The following TAAR5 variants were observed in gnomAD, a reference collection of about 807,000 sequenced individuals.
The protein encoded by TAAR5 is trace amine-associated receptor 5.
A neutral mutation model predicts 21.1 loss-of-function variants in TAAR5; 27 were observed. That is an observed-to-expected ratio of 1.28 (90% confidence interval 0.94 to 1.76). The LOEUF (loss-of-function observed/expected upper bound fraction) is 1.76, where lower values mean the gene tolerates loss of function less well. Ranked by LOEUF, TAAR5 falls within the 40% of genes most tolerant of loss-of-function variation. TAAR5 has a pLI of 0.00. For synonymous variants in TAAR5, 203 were observed against 167.5 expected, an observed-to-expected ratio of 1.21 and a Z score of -1.64; for missense variants, 495 against 405.6, an observed-to-expected ratio of 1.22 and a Z score of -1.89.
the TAAR5 span, among the ~76,000 whole-genome samples, chr6:132,615,084 C>T: frequency 6.6e-6 from 1 of 152,020 alleles, no homozygotes; most frequent in Non-Finnish European, 1.5e-5. Flanking sequence ...GGACGGTCTC[C>T]ATCTCTTGAC....
At chr6:132,601,225 C>G in the TAAR5 span, among the ~76,000 whole-genome samples, 3 of 152,126 alleles carry the variant, frequency 2.0e-5, no homozygotes, top group Admixed American at 6.5e-5. Flanking sequence ...AAACTGAAAT[C>G]TTGAATTTTT....
At chr6:132,595,275 T>G in the TAAR5 span, 1 of 153,074 alleles carries the variant, frequency 6.5e-6, no homozygotes, top group Non-Finnish European at 1.5e-5. Context: ...TGGAAATCAT[T>G]ACGATCATGT....
chr6:132,596,149 C>T, the TAAR5 span, among the ~76,000 whole-genome samples: 1 of 152,150 alleles, frequency 6.6e-6, no homozygotes, highest in Non-Finnish European at 1.5e-5. Flanking sequence ...TATCTCCTTT[C>T]ATTTAGCAGC....
chr6:132,588,787 G>C lies in TAAR5; in HGVS notation c.900C>G (p.Cys300Trp). 1 of 1,614,126 alleles carries C rather than the reference G, an allele frequency of 6.2e-7. No individual in the cohort carries two copies. The highest frequency in any genetic ancestry group is 8.5e-7 in the Non-Finnish European group (1 of 1,180,008). Residue 300 changes from cysteine (C) to tryptophan (W), a missense_variant, in exon 1 of 1, where the codon TGC becomes TGG. Cys to Trp is a radical substitution (Grantham distance 215). Transcript: ENST00000258034. ...AGGAAAAGACATAGATGATGGGGTTGCAGGCTGAGTTGAAGTAAGCAAACC... is the reference window on the plus strand; with the variant it reads ...AGGAAAAGACATAGATGATGGGGTTCCAGGCTGAGTTGAAGTAAGCAAACC... ...FIWFAYFNSA[C>W]NPIIYVFSYQ...
In TAAR5 at chr6:132,588,682, G is replaced by A. The variant is rs1313180611; in HGVS notation, c.1005C>T (p.Tyr335=). 20 of 1,610,768 alleles carry A rather than the reference G, an allele frequency of 1.2e-5. No individual in the cohort carries two copies. The highest frequency in any genetic ancestry group is 1.7e-5 in the Non-Finnish European group (20 of 1,178,128). Residue 335 remains tyrosine, a synonymous_variant, in exon 1 of 1, where the codon TAC becomes TAT. Transcript: ENST00000258034. ...CATTTAGTAGAAGGAATCATTCTTG[G>A]TACAAATCAACAGTGCGTGTCTGCG... The part of the protein sequence containing the change: ...FSPQTRTVDL[Y]QE
At chr6:132,607,051 CG>C in the TAAR5 span, among the ~76,000 whole-genome samples, 1 of 151,950 alleles carries the variant, frequency 6.6e-6, no homozygotes, top group Non-Finnish European at 1.5e-5. Context: ...AAAAGGTTGC[CG>C]GGTGTGATGG....
the TAAR5 span, among the ~76,000 whole-genome samples, chr6:132,608,067 A>T: frequency 2.0e-5 from 3 of 152,226 alleles, no homozygotes; most frequent in Non-Finnish European, 4.4e-5. Flanking sequence ...TGAGTAATTG[A>T]TTTACTAGTC....
Position 132,589,177 on chromosome 6 carries a change from G to C in TAAR5, c.510C>G (p.Leu170=), listed in dbSNP as rs1237882953. ...GCCTTGTCTCTACCACATCTGTGTA[G>C]AGGAATAACGAAGTGTATGCTGCGG... ...GVPAAYTSLF[L]YTDVVETRLS... Residue 170 remains leucine (L), a synonymous_variant, in exon 1 of 1, where the codon CTC becomes CTG. Transcript: ENST00000258034. The C allele has an allele frequency of 1.9e-6, 3 of 1,607,550 alleles. No homozygotes were observed. The highest frequency in any genetic ancestry group is 2.5e-6 in the Non-Finnish European group (3 of 1,176,838).
chr6:132,593,401 A>G (rs9375898), upstream of TAAR5, among the ~76,000 whole-genome samples: 20,387 of 152,232 alleles, frequency 0.13, 1,665 homozygotes, highest in East Asian at 0.26. Flanking sequence ...GTAGGTGCTC[A>G]ATAAATGTTC....
At chr6:132,606,825 G>T in the TAAR5 span, among the ~76,000 whole-genome samples, 1 of 152,092 alleles carries the variant, frequency 6.6e-6, no homozygotes, top group Non-Finnish European at 1.5e-5. Context: ...ACTTAGAAAA[G>T]AGACAGGAAA....
At chr6:132,615,250 C>T in the TAAR5 span, among the ~76,000 whole-genome samples, 5 of 151,946 alleles carry the variant, frequency 3.3e-5, no homozygotes, top group Non-Finnish European at 5.9e-5. Context: ...CAGAAGTTTC[C>T]GTATATTGAA....
At chr6:132,600,286 TA>T in the TAAR5 span, among the ~76,000 whole-genome samples, 102,284 of 151,844 alleles carry the variant, frequency 0.67, 35,099 homozygotes, top group African/African-American at 0.8. Context: ...GACAATAATG[TA>T]AAACATTTAC....
In TAAR5 at chr6:132,588,766, A is replaced by G; in HGVS notation, c.921T>C (p.Phe307=). 6.2e-7 allele frequency: 1 copy of G among 1,614,134 alleles called. No individual in the cohort carries two copies. Among genetic ancestry groups the G allele is most frequent in the African/African-American group, 1.3e-5 (1 of 75,028 alleles). The change falls in exon 1 of 1, where the codon TTT becomes TTC. Residue 307 remains phenylalanine, a synonymous_variant. Coordinates refer to ENST00000258034, the MANE Select transcript of TAAR5 (RefSeq NM_003967.3). ...NSACNPIIYV[F]SYQWFRKALK... is the part of the protein sequence containing the mutation. ...GTGCCTTCCGAAACCACTGGTAGGA[A>G]AAGACATAGATGATGGGGTTGCAGG...
the TAAR5 span, chr6:132,608,973 G>A: frequency 2.2e-6 from 1 of 455,936 alleles, no homozygotes; most frequent in Non-Finnish European, 4.4e-6. Flanking sequence ...ATTTACAAAA[G>A]CCATCCCCAA....
At chr6:132,603,540 T>TTGTA in the TAAR5 span, among the ~76,000 whole-genome samples, 1 of 151,708 alleles carries the variant, frequency 6.6e-6, no homozygotes, top group Non-Finnish European at 1.5e-5. Flanking sequence ...ATCGCTTGTA[T>TTGTA]TCATTTTGGA....
chr6:132,600,375 G>A, the TAAR5 span, among the ~76,000 whole-genome samples: 3 of 152,152 alleles, frequency 2.0e-5, no homozygotes, highest in Admixed American at 6.6e-5. Flanking sequence ...GAACTCAAAT[G>A]TTTCAATGGT....
chr6:132,592,638 A>G (rs2114579273), upstream of TAAR5, among the ~76,000 whole-genome samples: 1 of 152,072 alleles, frequency 6.6e-6, no homozygotes, highest in South Asian at 2.1e-4. Flanking sequence ...TTATCATGAG[A>G]TCTAGTTGTT....
chr6:132,596,996 A>C, the TAAR5 span, among the ~76,000 whole-genome samples: 2 of 152,160 alleles, frequency 1.3e-5, no homozygotes, highest in Non-Finnish European at 2.9e-5. Context: ...ACAATTACAA[A>C]GTCATTTCAG....
upstream of TAAR5, among the ~76,000 whole-genome samples, chr6:132,590,625 T>C (rs1181926024): frequency 6.6e-6 from 1 of 152,184 alleles, no homozygotes; most frequent in East Asian, 1.9e-4. Flanking sequence ...ATACTCTCAA[T>C]AGAAACTACT....
Sources: allele counts gnomAD v4.1 joint callset (sites outside exome capture counted in the v4.1 genomes callset), GRCh38; gene constraint gnomAD v4.1.1; transcripts MANE v1.5; gene names NCBI Gene and HGNC (gene_info 2026-07-23, HGNC 2026-07-21).